Variants in PRDM16 observed in about 807,000 individuals in gnomAD.
PRDM16 encodes histone-lysine N-methyltransferase PRDM16.
In PRDM16, 23 loss-of-function variants were observed where a neutral mutation model predicts 110.6. That is an observed-to-expected ratio of 0.21 (90% CI 0.15 to 0.29). The LOEUF is 0.29. Ranked by LOEUF, PRDM16 falls within the 10% of genes least tolerant of loss-of-function variation. The pLI is 1.00. For synonymous variants in PRDM16, 799 were observed against 781.8 expected (o/e 1.02, Z -0.37); for missense variants, 1,615 against 1,794.3 (o/e 0.90, Z 1.81).
At chr1:3,326,923 T>C (rs1449408159) in intron 3 of PRDM16, among the ~76,000 whole-genome samples, 1 of 152,192 alleles carries the variant, frequency 6.6e-6, no homozygotes, top group Non-Finnish European at 1.5e-5. Flanking sequence ...AAAATCCCTC[T>C]ACAGGAATCA....
chr1:3,154,756 C>A (rs147893075), intron 1 of PRDM16, among the ~76,000 whole-genome samples: 117 of 152,312 alleles, frequency 7.7e-4, no homozygotes, highest in Non-Finnish European at 1.4e-3. Context: ...ACCCCCAGGC[C>A]GTTCTCACTC....
intron 1 of PRDM16, among the ~76,000 whole-genome samples, chr1:3,181,695 C>G (rs1392667357): frequency 1.4e-5 from 2 of 145,552 alleles, no homozygotes; most frequent in African/African-American, 2.6e-5. Context: ...TACACACGGT[C>G]TTACACACGG....
At chr1:3,098,925 ATGC>A (rs1642469698) in intron 1 of PRDM16, among the ~76,000 whole-genome samples, 2 of 152,296 alleles carry the variant, frequency 1.3e-5, no homozygotes, top group South Asian at 2.1e-4. Context: ...GACCCGGCAA[ATGC>A]TGCTTCTCAG....
At chr1:3,127,493 A>G (rs1316029143) in intron 1 of PRDM16, among the ~76,000 whole-genome samples, 3 of 152,186 alleles carry the variant, frequency 2.0e-5, no homozygotes, top group Non-Finnish European at 2.9e-5. Flanking sequence ...ACCAGTTACC[A>G]GCGAGCCACA....
At chr1:3,216,793 T>C (rs766789776) in intron 2 of PRDM16, among the ~76,000 whole-genome samples, 1 of 152,216 alleles carries the variant, frequency 6.6e-6, no homozygotes, top group Non-Finnish European at 1.5e-5. Context: ...GCTGTGGCTG[T>C]GGCCATCAGC....
At chr1:3,238,911 CCT>C (rs904140125) in intron 2 of PRDM16, among the ~76,000 whole-genome samples, 45 of 152,246 alleles carry the variant, frequency 3.0e-4, no homozygotes, top group South Asian at 2.9e-3. Flanking sequence ...CTCTGCAGCC[CCT>C]GTTTCCCGTC....
Position 3,079,072 on chromosome 1 carries a change from G to C in PRDM16, c.37+9776G>C, listed in dbSNP as rs921073379. ...CCCCGGGCAAACAGGAAGTTGGCGT[G>C]ACTGTCTCCGACGGCTCCGGGCATT... On this transcript the variant is annotated intron_variant, in intron 1 of 16. Transcript: ENST00000270722. Among the ~76,000 whole-genome samples the C allele has an allele frequency of 3.9e-5, 6 of 152,248 alleles. No individual in the cohort carries two copies. In the South Asian group the frequency reaches 6.2e-4, roughly 16 times the overall value.
intron 8 of PRDM16, among the ~76,000 whole-genome samples, chr1:3,410,537 C>T (rs1257196721): frequency 6.6e-6 from 1 of 152,198 alleles, no homozygotes; most frequent in African/African-American, 2.4e-5. Context: ...CCAGGAGCCC[C>T]AAAGTCCGGG....
intron 1 of PRDM16, among the ~76,000 whole-genome samples, chr1:3,154,682 T>C (rs141029152): frequency 2.4e-4 from 37 of 152,218 alleles, no homozygotes; most frequent in Admixed American, 6.5e-4. Context: ...CGAGGAGACC[T>C]TGGTGCTGGT....
chr1:3,223,084 G>A (rs1049441193), intron 2 of PRDM16, among the ~76,000 whole-genome samples: 46 of 148,794 alleles, frequency 3.1e-4, no homozygotes, highest in African/African-American at 1.1e-3. Context: ...CCCTGCCTCC[G>A]CCGTGGCCAA....
At chr1:3,417,721 C>T in intron 10 of PRDM16, 107 bp from the exon 11 acceptor site, 3 of 977,796 alleles carry the variant, frequency 3.1e-6, no homozygotes, top group Non-Finnish European at 1.6e-6. Flanking sequence ...CCAGTGCCCA[C>T]CTGAGCACCC....
chr1:3,244,205 C>A lies in PRDM16; in HGVS notation c.438+68C>A. The A allele has an allele frequency of 7.0e-7, 1 of 1,427,896 alleles. No individual in the cohort carries two copies. The highest frequency in any genetic ancestry group is 1.7e-5 in the Admixed American group (1 of 59,324). The allele number at this position is 1,427,896 out of a possible 1,614,324, so 88.5% of individuals were successfully genotyped here. ...TCGGAGCTCCTGGCGGGGCGACCGCCATCCCAGCTGTCCCTGAGCTAACAA... is the reference window on the plus strand; with the variant it reads ...TCGGAGCTCCTGGCGGGGCGACCGCAATCCCAGCTGTCCCTGAGCTAACAA... On this transcript the variant is annotated intron_variant, in intron 3 of 16. Coordinates refer to ENST00000270722, the MANE Select transcript of PRDM16 (RefSeq NM_022114.4). This position sits in a 1 kb window ranked among gnomAD's most constrained non-coding sequence, Gnocchi z 4.1.
chr1:3,217,583 G>A (rs953268066), intron 2 of PRDM16, among the ~76,000 whole-genome samples: 11 of 152,328 alleles, frequency 7.2e-5, no homozygotes, highest in South Asian at 2.1e-4. Flanking sequence ...TGCTGAGTGC[G>A]CTGGCCTAAG....
intron 8 of PRDM16, among the ~76,000 whole-genome samples, chr1:3,408,879 CGTGT>C (rs759190618): frequency 3.8e-4 from 50 of 131,260 alleles, no homozygotes; most frequent in African/African-American, 9.8e-4. Context: ...TGAGCTGGTG[CGTGT>C]GTGTGTGAGA....
rs913647461 is a variant in PRDM16 at position 3,209,153 on chromosome 1, A to G, written c.387+22679A>G. 2.0e-5 allele frequency among the ~76,000 whole-genome samples: 3 copies of G among 152,230 alleles called. No homozygotes were observed. The highest frequency in any genetic ancestry group is 7.2e-5 in the African/African-American group (3 of 41,456). On this transcript the variant is annotated intron_variant, in intron 2 of 16. Coordinates refer to ENST00000270722, the MANE Select transcript of PRDM16 (RefSeq NM_022114.4). This position sits in a 1 kb window ranked among gnomAD's most constrained non-coding sequence, Gnocchi z 4.6. The stretch of plus-strand genomic sequence containing the variant: ...GTGGCTTTGAATATCCTAGTCAAAA[A>G]TATGGGAACATTTTGGTTCCAGGGG...
At chr1:3,114,492 G>GCA (rs1038447469) in intron 1 of PRDM16, among the ~76,000 whole-genome samples, 3 of 145,754 alleles carry the variant, frequency 2.1e-5, no homozygotes, top group African/African-American at 5.3e-5. Context: ...ACGCACGCAC[G>GCA]CACACACGCG....
intron 3 of PRDM16, among the ~76,000 whole-genome samples, chr1:3,310,365 C>T (rs12566775): frequency 0.11 from 16,921 of 152,176 alleles, 1,146 homozygotes; most frequent in East Asian, 0.32. Flanking sequence ...ACCCGGTCAC[C>T]GCCCCTGAAG....
At chr1:3,405,328 G>A (rs540253215) in intron 7 of PRDM16, among the ~76,000 whole-genome samples, 167 bp from the exon 8 acceptor site, 3 of 152,346 alleles carry the variant, frequency 2.0e-5, no homozygotes, top group Non-Finnish European at 2.9e-5. Context: ...GCCCTGCAGC[G>A]GGTCCTTGCT....
chr1:3,184,533 C>T (rs909952609), intron 1 of PRDM16, among the ~76,000 whole-genome samples: 1 of 152,190 alleles, frequency 6.6e-6, no homozygotes, highest in Non-Finnish European at 1.5e-5. Context: ...CACCTCCTGT[C>T]CCTTCCCGCT....
Sources: allele counts gnomAD v4.1 joint callset (sites outside exome capture counted in the v4.1 genomes callset), GRCh38; gene constraint gnomAD v4.1.1; non-coding constraint Gnocchi (gnomAD v3.1); transcripts MANE v1.5; gene names NCBI Gene and HGNC (gene_info 2026-07-23, HGNC 2026-07-21).